The following PCGF5 variants were observed in gnomAD, a reference collection of about 807,000 sequenced individuals.
PCGF5 encodes polycomb group RING finger protein 5.
Under a neutral mutation model 44.3 loss-of-function variants are expected in PCGF5, and 9 were observed. The observed-to-expected ratio is 0.20, with a 90% CI of 0.12 to 0.35. The LOEUF is 0.35. PCGF5 is among the 10% of genes least tolerant of loss of function. PCGF5 has a pLI of 1.00. For missense variants in PCGF5, 146 were observed against 305.3 expected (o/e 0.48, Z 3.89); for synonymous variants, 95 against 102.5 (o/e 0.93, Z 0.44).
intron 1 of PCGF5, among the ~76,000 whole-genome samples, chr10:91,176,475 A>G (rs1381189509): frequency 6.6e-6 from 1 of 152,114 alleles, no homozygotes; most frequent in African/African-American, 2.4e-5. Flanking sequence ...TAGATTGGGG[A>G]CGTTCTCCTG....
At chr10:91,175,770 T>C (rs1469022819) in intron 1 of PCGF5, among the ~76,000 whole-genome samples, 1 of 152,202 alleles carries the variant, frequency 6.6e-6, no homozygotes, top group East Asian at 1.9e-4. Context: ...TTGGTAGATC[T>C]TCCTCCATCC....
chr10:91,217,163 A>G (rs1844557394), upstream of PCGF5, among the ~76,000 whole-genome samples: 1 of 152,078 alleles, frequency 6.6e-6, no homozygotes, highest in Non-Finnish European at 1.5e-5. Context: ...CCTCCTGAGT[A>G]GCTGGGACTA....
chr10:91,221,890 TTAAAAAC>T (rs1844690919), intron 1 of PCGF5, among the ~76,000 whole-genome samples: 1 of 152,052 alleles, frequency 6.6e-6, no homozygotes, highest in South Asian at 2.1e-4. Flanking sequence ...GAAGTAAGCA[TTAAAAAC>T]TAGGGAAAGA....
intron 1 of PCGF5, among the ~76,000 whole-genome samples, chr10:91,166,465 GAT>G (rs1843502146): frequency 1.3e-5 from 2 of 152,188 alleles, no homozygotes; most frequent in Non-Finnish European, 2.9e-5. Flanking sequence ...AACAGAATTA[GAT>G]ATTGGCAGTA....
At position 91,278,826 on chromosome 10, in the gene PCGF5, T is replaced by C. The variant is rs2133477441; in HGVS notation, c.*510T>C. Reference sequence around the variant, plus strand: ...ACTGTCTTGTTCTTGATAAGCTTTTTGTGTGAAAAAAAGTTCATTCTTGAG... The same window carrying C: ...ACTGTCTTGTTCTTGATAAGCTTTTCGTGTGAAAAAAAGTTCATTCTTGAG... On this transcript the variant is annotated 3_prime_UTR_variant, in exon 10 of 10. Coordinates refer to ENST00000336126, the MANE Select transcript of PCGF5 (RefSeq NM_032373.5). The C allele has an allele frequency of 6.5e-6, 1 of 153,772 alleles. No homozygotes were observed. The highest frequency in any genetic ancestry group is 1.9e-4 in the East Asian group (1 of 5,222). 9.5% of individuals were successfully genotyped at this position (153,772 alleles called of 1,614,324 possible).
At chr10:91,210,495 CT>C (rs1364313311) in intron 1 of PCGF5, among the ~76,000 whole-genome samples, 1 of 152,198 alleles carries the variant, frequency 6.6e-6, no homozygotes, top group Non-Finnish European at 1.5e-5. Context: ...TAATGTCAAA[CT>C]GGATAACTGG....
intron 1 of PCGF5, among the ~76,000 whole-genome samples, chr10:91,200,587 T>C (rs1844233934): frequency 6.6e-6 from 1 of 152,054 alleles, no homozygotes; most frequent in Non-Finnish European, 1.5e-5. Flanking sequence ...GAAGGTGCTG[T>C]TTGTTTTGTT....
chr10:91,246,192 C>G (rs1378049027), intron 3 of PCGF5, among the ~76,000 whole-genome samples: 1 of 152,142 alleles, frequency 6.6e-6, no homozygotes, highest in African/African-American at 2.4e-5. Context: ...AGAAATGAAA[C>G]TAAGTTGGTT....
chr10:91,173,658 G>A lies in PCGF5; in HGVS notation c.-184+10577G>A, dbSNP rs181154603. 6.8e-3 allele frequency among the ~76,000 whole-genome samples: 965 copies of A among 142,008 alleles called. 10 individuals carry two copies. The highest frequency in any genetic ancestry group is 0.024 in the African/African-American group (923 of 38,394). The allele number at this position is 142,008 out of a possible 152,430, so 93.2% of individuals were successfully genotyped here. On this transcript the variant is annotated intron_variant, in intron 1 of 9. Coordinates refer to the PCGF5 transcript ENST00000614189. ...AAGTTTTGGCAAGTCCAAAATATGCGCTTTTTTCAAGTGGAGCAAGATCAA... is the reference window on the plus strand; with the variant it reads ...AAGTTTTGGCAAGTCCAAAATATGCACTTTTTTCAAGTGGAGCAAGATCAA...
At chr10:91,248,231 A>G (rs1311402280) in intron 3 of PCGF5, among the ~76,000 whole-genome samples, 1 of 152,154 alleles carries the variant, frequency 6.6e-6, no homozygotes, top group African/African-American at 2.4e-5. Flanking sequence ...GCAGGGGAAT[A>G]AACTCCATCC....
At chr10:91,230,262 G>A (rs1844965283) in intron 2 of PCGF5, among the ~76,000 whole-genome samples, 1 of 152,144 alleles carries the variant, frequency 6.6e-6, no homozygotes, top group Non-Finnish European at 1.5e-5. Context: ...GAGAAAAAGT[G>A]TGTAACCTAA....
intron 5 of PCGF5, among the ~76,000 whole-genome samples, chr10:91,249,453 A>G (rs1048913954): frequency 2.0e-5 from 3 of 147,026 alleles, no homozygotes; most frequent in African/African-American, 4.9e-5. Context: ...TATTAAAATT[A>G]TAAGAAACTA....
At position 91,238,601 on chromosome 10, in the gene PCGF5, C is replaced by CTTTTTTTTTTTTT. The variant is rs71487496; in HGVS notation, c.113-1865_113-1853dup. ...CTCTCATTTCTTTCTTTCTTTCTTT[C>CTTTTTTTTTTTTT]TTTTTTTTTTTTTTTTTTTTTTTTT... On this transcript the variant is annotated intron_variant, in intron 2 of 9. Transcript: ENST00000336126. Among the ~76,000 whole-genome samples, 93 of 58,508 alleles carry CTTTTTTTTTTTTT rather than the reference C, an allele frequency of 1.6e-3. 3 individuals carry two copies. The highest frequency in any genetic ancestry group is 2.0e-3 in the Non-Finnish European group (65 of 32,780). 38.4% of individuals were successfully genotyped at this position (58,508 alleles called of 152,430 possible). A position where few individuals can be genotyped will look rare whatever the true frequency, so the allele number is the denominator to read the frequency against.
intron 8 of PCGF5, among the ~76,000 whole-genome samples, chr10:91,265,719 C>A (rs1846035165): frequency 6.6e-6 from 1 of 152,114 alleles, no homozygotes. Flanking sequence ...TGGCTCTTTG[C>A]AGAAGAAATG....
At chr10:91,164,937 G>C (rs567405139) in intron 1 of PCGF5, among the ~76,000 whole-genome samples, 1 of 152,336 alleles carries the variant, frequency 6.6e-6, no homozygotes, top group East Asian at 1.9e-4. Context: ...CACTATGCTA[G>C]GGATTTGGGC....
rs568441160 is a variant in PCGF5, at chr10:91,239,003, TA to T, written c.113-1480del. ...GAAAAGAGAGAGTATGGGATTCAGG[TA>T]CATTCATCCAACAAAACTGCTCAAA... On this transcript the variant is annotated intron_variant, in intron 2 of 9. Coordinates refer to ENST00000336126, the MANE Select transcript of PCGF5 (RefSeq NM_032373.5). Among the ~76,000 whole-genome samples the T allele has an allele frequency of 2.5e-3, 380 of 152,202 alleles. 3 individuals are homozygous for T. The highest frequency in any genetic ancestry group is 8.5e-3 in the African/African-American group (354 of 41,518).
rs1257268630 is a variant in PCGF5 at position 91,281,059 on chromosome 10, G to A, written c.*2743G>A. 6.6e-6 allele frequency: 1 copy of A among 152,442 alleles called. No individual in the cohort carries two copies. The highest frequency in any genetic ancestry group is 1.5e-5 in the Non-Finnish European group (1 of 67,892). 9.4% of individuals were successfully genotyped at this position (152,442 alleles called of 1,614,324 possible). A position where few individuals can be genotyped will look rare whatever the true frequency, so the allele number is the denominator to read the frequency against. On this transcript the variant is annotated 3_prime_UTR_variant, in exon 10 of 10. Transcript: ENST00000336126. ...TCAAGGGAACTTAGATATAAAGAAT[G>A]ACTGTGGTTTATAAACATTACTTTA...
intron 3 of PCGF5, among the ~76,000 whole-genome samples, chr10:91,244,839 G>A (rs151220719): frequency 6.6e-6 from 1 of 152,284 alleles, no homozygotes; most frequent in East Asian, 1.9e-4. Flanking sequence ...CATTAACTGA[G>A]TTGGGAAGAT....
intron 6 of PCGF5, among the ~76,000 whole-genome samples, chr10:91,258,024 T>C (rs1845800563): frequency 6.6e-6 from 1 of 152,092 alleles, no homozygotes; most frequent in African/African-American, 2.4e-5. Context: ...GAAAACTTTA[T>C]GCTAAGTGCA....
Sources: gnomAD v4.1 joint callset for allele counts (sites outside exome capture counted in the v4.1 genomes callset) on GRCh38, gnomAD v4.1.1 for gene constraint, MANE v1.5 for transcripts, NCBI Gene and HGNC (gene_info 2026-07-23, HGNC 2026-07-21) for gene names.